The following LRRTM4 variants were observed in gnomAD, a reference collection of about 807,000 sequenced individuals.
LRRTM4 encodes the protein leucine-rich repeat transmembrane neuronal protein 4.
LRRTM4 carries 25 observed loss-of-function variants against 47.6 expected under a neutral mutation model. The ratio of observed to expected loss-of-function variants is 0.53; its 90% CI spans 0.38 to 0.73. The LOEUF is 0.73. Among genes scored for constraint, LRRTM4 ranks in the 30% least tolerant of loss-of-function variants. The pLI, the probability that LRRTM4 is intolerant of heterozygous loss-of-function variation, is 0.00. For missense variants in LRRTM4, 638 were observed against 713.4 expected (o/e 0.89, Z 1.20); for synonymous variants, 311 against 269.5 (o/e 1.15, Z -1.51).
chr2:77,494,774 G>C lies in LRRTM4; in HGVS notation c.1551+23544C>G, dbSNP rs114737510. 1.2e-3 allele frequency among the ~76,000 whole-genome samples: 183 copies of C among 152,050 alleles called. 5 individuals are homozygous for C. In the East Asian group the frequency reaches 0.027, roughly 22 times the overall value. ...AATGTTTTCACCACTCACAAGTTTC[G>C]TTGTTCCCCTCTTCAGTCCTCCTGC... is the stretch of plus-strand genomic sequence containing the variant. On this transcript the variant is annotated intron_variant, in intron 3 of 3. Coordinates refer to ENST00000409884, the MANE Select transcript of LRRTM4 (RefSeq NM_001134745.3).
chr2:77,352,700 T>G (rs1256190687), intron 3 of LRRTM4, among the ~76,000 whole-genome samples: 1 of 152,150 alleles, frequency 6.6e-6, no homozygotes, highest in Non-Finnish European at 1.5e-5. Context: ...GATAAAATTT[T>G]TTTGCAACCT....
intron 3 of LRRTM4, among the ~76,000 whole-genome samples, chr2:76,963,212 G>A (rs1675918335): frequency 6.6e-6 from 1 of 150,648 alleles, no homozygotes; most frequent in Admixed American, 6.6e-5. Flanking sequence ...TACTAAAAAA[G>A]TAAAAGTAAA....
At chr2:77,465,187 T>G (rs933048687) in intron 3 of LRRTM4, among the ~76,000 whole-genome samples, 1 of 152,188 alleles carries the variant, frequency 6.6e-6, no homozygotes, top group African/African-American at 2.4e-5. Context: ...TGATGTCTGG[T>G]ATTCATATAA....
chr2:77,351,295 T>G (rs1455876286), intron 3 of LRRTM4, among the ~76,000 whole-genome samples: 1 of 151,548 alleles, frequency 6.6e-6, no homozygotes, highest in Non-Finnish European at 1.5e-5. Context: ...ACACATAAAA[T>G]TCAGAAAGAG....
chr2:77,241,399 T>C (rs1675261643), intron 3 of LRRTM4, among the ~76,000 whole-genome samples: 1 of 152,074 alleles, frequency 6.6e-6, no homozygotes, highest in Non-Finnish European at 1.5e-5. Flanking sequence ...TTGCACTCTA[T>C]GTAAACATTT....
chr2:77,116,752 C>T (rs1277405276), intron 3 of LRRTM4, among the ~76,000 whole-genome samples: 2 of 151,924 alleles, frequency 1.3e-5, no homozygotes, highest in African/African-American at 4.8e-5. Flanking sequence ...TTTCTTTCTA[C>T]TCCCCCATAC....
At chr2:76,767,366 T>G (rs1275813932) in intron 3 of LRRTM4, among the ~76,000 whole-genome samples, 1 of 152,236 alleles carries the variant, frequency 6.6e-6, no homozygotes, top group African/African-American at 2.4e-5. Context: ...GTGCTTTATG[T>G]GAATTGAAAA....
At chr2:77,080,663 A>G (rs971562522) in intron 3 of LRRTM4, among the ~76,000 whole-genome samples, 1 of 152,084 alleles carries the variant, frequency 6.6e-6, no homozygotes, top group Non-Finnish European at 1.5e-5. Context: ...TTCTCATTTT[A>G]ACAAATTATT....
At chr2:76,878,583 G>T (rs77410070) in intron 3 of LRRTM4, among the ~76,000 whole-genome samples, 14,388 of 152,080 alleles carry the variant, frequency 0.095, 1,148 homozygotes, top group East Asian at 0.38. Context: ...AGTGAAACTT[G>T]CCAGGCGCAG....
At chr2:77,170,985 T>G (rs1317777014) in intron 3 of LRRTM4, among the ~76,000 whole-genome samples, 2 of 146,672 alleles carry the variant, frequency 1.4e-5, no homozygotes, top group Admixed American at 1.4e-4. Flanking sequence ...TACACATATA[T>G]ATTAGCTTTA....
intron 3 of LRRTM4, among the ~76,000 whole-genome samples, chr2:77,045,624 T>A (rs1004520507): frequency 1.4e-4 from 21 of 151,946 alleles, no homozygotes; most frequent in African/African-American, 4.6e-4. Flanking sequence ...ATGGTTATTA[T>A]AAGGAGGAGT....
chr2:76,887,763 G>C (rs933175755), intron 3 of LRRTM4, among the ~76,000 whole-genome samples: 17 of 150,154 alleles, frequency 1.1e-4, no homozygotes, highest in Non-Finnish European at 2.4e-4. Context: ...AAATTGCTGA[G>C]AAAAACATAA....
chr2:76,981,957 A>T (rs1676624510), intron 3 of LRRTM4, among the ~76,000 whole-genome samples: 1 of 152,030 alleles, frequency 6.6e-6, no homozygotes, highest in South Asian at 2.1e-4. Flanking sequence ...GGTCACTGAA[A>T]ATTAAACTGC....
At chr2:77,155,426 T>C (rs1204994004) in intron 3 of LRRTM4, among the ~76,000 whole-genome samples, 2 of 151,956 alleles carry the variant, frequency 1.3e-5, no homozygotes, top group African/African-American at 4.8e-5. Flanking sequence ...TCTGCATTTA[T>C]ATCATATGAG....
intron 3 of LRRTM4, among the ~76,000 whole-genome samples, chr2:77,085,502 T>G (rs1386441023): frequency 6.6e-6 from 1 of 151,932 alleles, no homozygotes; most frequent in Non-Finnish European, 1.5e-5. Context: ...AAGATTTATA[T>G]AGTTTCCTAT....
intron 3 of LRRTM4, among the ~76,000 whole-genome samples, chr2:76,965,726 T>C (rs1432751311): frequency 6.6e-6 from 1 of 151,440 alleles, no homozygotes; most frequent in Non-Finnish European, 1.5e-5. Flanking sequence ...CTGTAACATG[T>C]TCTAACTGTA....
At chr2:76,999,123 C>T (rs192542963) in intron 3 of LRRTM4, among the ~76,000 whole-genome samples, 5 of 151,818 alleles carry the variant, frequency 3.3e-5, no homozygotes, top group Admixed American at 3.3e-4. Context: ...GTGTGTGCAT[C>T]ATGGATCTGT....
intron 3 of LRRTM4, among the ~76,000 whole-genome samples, chr2:76,798,430 C>A (rs1357519495): frequency 6.6e-6 from 1 of 151,272 alleles, no homozygotes; most frequent in Admixed American, 6.6e-5. Context: ...ATACCAGAAT[C>A]TCTGGGACGC....
intron 3 of LRRTM4, among the ~76,000 whole-genome samples, chr2:76,796,007 C>T (rs1009330573): frequency 4.6e-4 from 65 of 140,116 alleles, no homozygotes; most frequent in African/African-American, 1.3e-3. Flanking sequence ...ACTTGGGAAG[C>T]GCAAGGGGTC....
Sources: gnomAD v4.1 joint callset for allele counts (sites outside exome capture counted in the v4.1 genomes callset) on GRCh38, gnomAD v4.1.1 for gene constraint, MANE v1.5 for transcripts, NCBI Gene and HGNC (gene_info 2026-07-23, HGNC 2026-07-21) for gene names.